The following HOXD3 variants were observed in gnomAD, a reference collection of about 807,000 sequenced individuals.
HOXD3 encodes the protein homeobox protein Hox-D3.
A neutral mutation model predicts 32.8 loss-of-function variants in HOXD3; 13 were observed. The observed-to-expected ratio is 0.40, with a 90% CI of 0.26 to 0.63. HOXD3 has a LOEUF of 0.63. Ranked by LOEUF, HOXD3 falls within the 20% of genes least tolerant of loss-of-function variation. HOXD3 has a pLI of 0.44. For missense variants in HOXD3, 504 were observed against 577.1 expected, an observed-to-expected ratio of 0.87 and a Z score of 1.30; for synonymous variants, 241 against 246.8, an observed-to-expected ratio of 0.98 and a Z score of 0.22.
chr2:176,172,450 T>C lies in HOXD3; in HGVS notation c.*176T>C. On this transcript the variant is annotated 3_prime_UTR_variant, in exon 4 of 4. Transcript: ENST00000683222. ...CGCAGGCGACCGGGCCTCCCCTCCATGGGCGTCCTTTGGGTGACTCGCCAT... is the reference window on the plus strand; with the variant it reads ...CGCAGGCGACCGGGCCTCCCCTCCACGGGCGTCCTTTGGGTGACTCGCCAT... 3.3e-6 allele frequency: 2 copies of C among 597,234 alleles called. No individual in the cohort carries two copies. Among genetic ancestry groups the C allele is most frequent in the South Asian group, 2.1e-5 (1 of 48,072 alleles). 37.0% of individuals were successfully genotyped at this position (597,234 alleles called of 1,614,324 possible).
upstream of HOXD3, among the ~76,000 whole-genome samples, chr2:176,154,816 G>A (rs1477250252): frequency 6.6e-6 from 1 of 152,144 alleles, no homozygotes; most frequent in Non-Finnish European, 1.5e-5. Context: ...TCACCACGTC[G>A]GGATATTAAA....
At chr2:176,161,777 G>A (rs1361278661) in intron 1 of HOXD3, among the ~76,000 whole-genome samples, 2 of 152,352 alleles carry the variant, frequency 1.3e-5, no homozygotes, top group East Asian at 1.9e-4. Flanking sequence ...TTTGATTGCC[G>A]TAGTGGCAGA....
upstream of HOXD3, chr2:176,152,665 A>T (rs372805006): frequency 6.2e-7 from 1 of 1,614,208 alleles, no homozygotes; most frequent in South Asian, 1.1e-5. This position sits in a 1 kb window ranked among gnomAD's most constrained non-coding sequence, Gnocchi z 5.2. Flanking sequence ...TACACCCGGC[A>T]GCAAGTCCTA....
Position 176,169,447 on chromosome 2 carries a change from C to A in HOXD3, c.333C>A (p.Asn111Lys). Residue 111 changes from asparagine to lysine, a missense_variant, in exon 3 of 4, where the codon AAC becomes AAA. Asn to Lys is a moderately conservative substitution (Grantham distance 94). Around this residue, in one of 3 missense-constraint regions of HOXD3, gnomAD observed 181 missense variants for 172.2 expected, o/e 1.05. Coordinates refer to ENST00000683222, the MANE Select transcript of HOXD3 (RefSeq NM_006898.5). Reference protein sequence around the residue: ...GGGGSQPPGLNSEQQPPQPPP... With the variant: ...GGGGSQPPGLKSEQQPPQPPP... ...GTGGCAGCCAGCCTCCTGGTCTGAA[C>A]TCAGAGCAGCAGCCACCACAACCCC... 1 of 1,613,146 alleles carries A rather than the reference C, an allele frequency of 6.2e-7. No individual in the cohort carries two copies. Among genetic ancestry groups the A allele is most frequent in the Non-Finnish European group, 8.5e-7 (1 of 1,179,536 alleles).
chr2:176,172,101 C>A lies in HOXD3; in HGVS notation c.1126C>A (p.Leu376Met), dbSNP rs756500460. The change falls in exon 4 of 4, where the codon CTG (leucine) becomes ATG (methionine). Residue 376 changes from leucine to methionine, a missense_variant. Around this residue, in one of 3 missense-constraint regions of HOXD3, gnomAD observed 226 missense variants for 246.9 expected, o/e 0.92. Transcript: ENST00000683222. ...GCCCGCGTCCGGGCCTGTCTTCAAC[C>A]TGGGCCACCTCTCGCACCCGTCGTC... ...MAPASGPVFN[L>M]GHLSHPSSAS... 6.2e-6 allele frequency: 10 copies of A among 1,612,572 alleles called. No individual in the cohort carries two copies. The highest frequency in any genetic ancestry group is 8.5e-6 in the Non-Finnish European group (10 of 1,179,936).
chr2:176,161,983 G>A (rs1364385985), intron 1 of HOXD3, among the ~76,000 whole-genome samples: 2 of 152,210 alleles, frequency 1.3e-5, no homozygotes, highest in Non-Finnish European at 2.9e-5. Flanking sequence ...GCTCCAGTGA[G>A]TGGTTCCATG....
chr2:176,168,416 A>G (rs112729575), intron 2 of HOXD3, among the ~76,000 whole-genome samples: 5,513 of 152,230 alleles, frequency 0.036, 153 homozygotes, highest in Non-Finnish European at 0.06. Context: ...AAAATATAAA[A>G]AATTAGCCAG....
chr2:176,158,310 G>C (rs1690693407), intron 1 of HOXD3, among the ~76,000 whole-genome samples: 4 of 152,188 alleles, frequency 2.6e-5, no homozygotes, highest in Admixed American at 2.6e-4. Context: ...TTCTCTGCTC[G>C]CTCCCGTTTC....
At chr2:176,157,221 C>T (rs1238355422), upstream of HOXD3, among the ~76,000 whole-genome samples, 3 of 152,094 alleles carry the variant, frequency 2.0e-5, no homozygotes, top group Non-Finnish European at 2.9e-5. Context: ...TTTCTAAGTG[C>T]GAGGAAGATG....
intron 1 of HOXD3, among the ~76,000 whole-genome samples, chr2:176,159,061 T>C (rs190283839): frequency 1.2e-4 from 19 of 152,348 alleles, no homozygotes; most frequent in Admixed American, 1.1e-3. Context: ...GCGAGGACTG[T>C]AAATCTTTCC....
In HOXD3 at chr2:176,172,177, A is replaced by G; in HGVS notation, c.1202A>G (p.His401Arg). 2 of 1,612,978 alleles carry G rather than the reference A, an allele frequency of 1.2e-6. No individual in the cohort carries two copies. The highest frequency in any genetic ancestry group is 8.5e-7 in the Non-Finnish European group (1 of 1,179,944). Residue 401 changes from histidine to arginine, a missense_variant, in exon 4 of 4, where the codon CAT becomes CGT. Physicochemically the swap from His to Arg is conservative, Grantham distance 29. This residue lies in a region of HOXD3 where 226 missense variants were observed against 246.9 expected (regional missense o/e 0.92). Transcript: ENST00000683222. ...GCGCAGATTCCAGGCAACCACCACC[A>G]TGGACCTTGCGACCCTCATCCCACC... is the stretch of plus-strand genomic sequence containing the variant. ...CAAQIPGNHH[H>R]GPCDPHPTYT...
intron 1 of HOXD3, among the ~76,000 whole-genome samples, chr2:176,163,031 G>A (rs773927922): frequency 1.3e-5 from 2 of 152,100 alleles, no homozygotes; most frequent in South Asian, 4.1e-4. Context: ...GGGGAGGGGG[G>A]CGGGCAAGTG....
At chr2:176,160,594 C>T (rs1574978939) in intron 1 of HOXD3, among the ~76,000 whole-genome samples, 1 of 152,226 alleles carries the variant, frequency 6.6e-6, no homozygotes, top group East Asian at 1.9e-4. Context: ...ACAAGCTTCC[C>T]TCGGGGTCAC....
upstream of HOXD3, chr2:176,152,646 C>A (rs1489232007): frequency 4.3e-6 from 7 of 1,614,094 alleles, no homozygotes; most frequent in Non-Finnish European, 5.9e-6. This position sits in a 1 kb window ranked among gnomAD's most constrained non-coding sequence, Gnocchi z 5.2. Flanking sequence ...CAAGCGGTCC[C>A]GAACGGCCTA....
At chr2:176,152,549 G>T, upstream of HOXD3, 3 of 1,419,034 alleles carry the variant, frequency 2.1e-6, no homozygotes, top group Non-Finnish European at 3.0e-6. This position sits in a 1 kb window ranked among gnomAD's most constrained non-coding sequence, Gnocchi z 5.2. Flanking sequence ...CGGCGGAGGC[G>T]AGGGGCCTAA....
In HOXD3 at chr2:176,172,185, T is replaced by G. The variant is rs765875680; in HGVS notation, c.1210T>G (p.Cys404Gly). The G allele has an allele frequency of 6.2e-7, 1 of 1,612,926 alleles. No individual in the cohort carries two copies. The highest frequency in any genetic ancestry group is 8.5e-7 in the Non-Finnish European group (1 of 1,179,966). Residue 404 changes from cysteine to glycine, a missense_variant, in exon 4 of 4, where the codon TGC (cysteine) becomes GGC (glycine). Cys to Gly is a radical substitution (Grantham distance 159). Transcript: ENST00000683222. ...QIPGNHHHGP[C>G]DPHPTYTDLS... ...TCCAGGCAACCACCACCATGGACCT[T>G]GCGACCCTCATCCCACCTACACAGA...
chr2:176,170,953 G>C (rs1444756328), intron 3 of HOXD3, among the ~76,000 whole-genome samples: 6 of 149,596 alleles, frequency 4.0e-5, no homozygotes, highest in Non-Finnish European at 7.4e-5. Flanking sequence ...TTTTTGGTTT[G>C]TCACCTCCCT....
At chr2:176,155,979 C>G (rs189739092), upstream of HOXD3, among the ~76,000 whole-genome samples, 8 of 152,236 alleles carry the variant, frequency 5.3e-5, no homozygotes, top group East Asian at 1.2e-3. Flanking sequence ...CAATGTTTTG[C>G]TGCCACTGAT....
At chr2:176,171,421 GGGA>G in intron 3 of HOXD3, 93 bp from the exon 4 acceptor site, 1 of 1,129,374 alleles carries the variant, frequency 8.9e-7, no homozygotes, top group Non-Finnish European at 1.2e-6. Flanking sequence ...GGTGGGGGGA[GGGA>G]GGAGGAAAAG....
Sources: gnomAD v4.1 joint callset for allele counts (sites outside exome capture counted in the v4.1 genomes callset) on GRCh38, gnomAD v4.1.1 for gene constraint, gnomAD v4.1.1 regional missense constraint, Gnocchi (gnomAD v3.1) non-coding constraint, MANE v1.5 for transcripts, NCBI Gene and HGNC (gene_info 2026-07-23, HGNC 2026-07-21) for gene names.